Variants in FANCB observed in about 807,000 individuals in gnomAD.
The protein encoded by FANCB is FA complementation group B.
A neutral mutation model predicts 38.9 loss-of-function variants in FANCB; 5 were observed. The ratio of observed to expected loss-of-function variants is 0.13; its 90% CI spans 0.07 to 0.27. The LOEUF is 0.27. FANCB is among the 10% of genes least tolerant of loss of function. The pLI, the probability that FANCB is intolerant of heterozygous loss-of-function variation, is 1.00. For missense variants in FANCB, 573 were observed against 602.7 expected, an observed-to-expected ratio of 0.95 and a Z score of 0.52; for synonymous variants, 236 against 215.4, an observed-to-expected ratio of 1.10 and a Z score of -0.84.
chrX:14,730,557 A>G, the FANCB span: 1 of 381,289 alleles, frequency 2.6e-6, no homozygotes, highest in Non-Finnish European at 4.2e-6. Flanking sequence ...AATTGTCTTT[A>G]TATCACTTTG....
chrX:14,862,329 G>A (rs2092450174), intron 3 of FANCB: 1 of 111,284 alleles, frequency 9.0e-6, no homozygotes, highest in Non-Finnish European at 1.9e-5. Context: ...AATTCCTGAA[G>A]CACCTTAGGG....
At chrX:14,696,468 G>C in the FANCB span, among the ~76,000 whole-genome samples, 1 of 111,894 alleles carries the variant, frequency 8.9e-6, no homozygotes, top group Admixed American at 9.4e-5. Context: ...TGACAGCAAG[G>C]CAGTCCAGGA....
the FANCB span, among the ~76,000 whole-genome samples, chrX:14,759,388 G>T: frequency 9.0e-6 from 1 of 111,244 alleles, no homozygotes; most frequent in Non-Finnish European, 1.9e-5. Flanking sequence ...GAAATGTATC[G>T]CAAGAAGATC....
the FANCB span, among the ~76,000 whole-genome samples, chrX:14,810,091 G>A: frequency 3.7e-4 from 41 of 111,873 alleles, no homozygotes; most frequent in Admixed American, 3.2e-3. Flanking sequence ...TCCAACAGAC[G>A]TGCAGCTGAG....
the FANCB span, among the ~76,000 whole-genome samples, chrX:14,756,441 G>A: frequency 8.9e-6 from 1 of 111,858 alleles, no homozygotes; most frequent in East Asian, 2.8e-4. Context: ...TAATATTCAG[G>A]ATATATAAGC....
At chrX:14,699,368 T>C in the FANCB span, among the ~76,000 whole-genome samples, 2 of 112,399 alleles carry the variant, frequency 1.8e-5, no homozygotes, top group Non-Finnish European at 3.8e-5. Context: ...TAAATAGAAA[T>C]TGTGGCTGCT....
chrX:14,737,230 T>C, the FANCB span, among the ~76,000 whole-genome samples: 1 of 111,359 alleles, frequency 9.0e-6, no homozygotes, highest in African/African-American at 3.3e-5. Flanking sequence ...ACCAACCCAT[T>C]CAGCTACCCA....
At chrX:14,796,435 T>C in the FANCB span, among the ~76,000 whole-genome samples, 13 of 96,726 alleles carry the variant, frequency 1.3e-4, no homozygotes, top group African/African-American at 4.6e-4. Flanking sequence ...TTATATATTT[T>C]TTCCTATTGA....
At chrX:14,777,336 T>TCA in the FANCB span, among the ~76,000 whole-genome samples, 2 of 112,110 alleles carry the variant, frequency 1.8e-5, no homozygotes, top group Non-Finnish European at 1.9e-5. Flanking sequence ...TTACTTATCA[T>TCA]CACTTCAGGA....
chrX:14,859,145 T>C lies in FANCB; in HGVS notation c.1104+37A>G, dbSNP rs774999893. On this transcript the variant is annotated intron_variant, in intron 4 of 9. Coordinates refer to ENST00000650831, the MANE Select transcript of FANCB (RefSeq NM_001018113.3). ...TGAGCACTTAAATTTTCTAAAATGG[T>C]TCTTAAAATACCATATAATAAGTAA... The C allele has an allele frequency of 9.9e-6, 10 of 1,009,426 alleles. No homozygotes were observed. The South Asian group carries it at 1.9e-4, about 19-fold the overall frequency. The allele number at this position is 1,009,426 out of a possible 1,213,427, so 83.2% of individuals were successfully genotyped here. A position where few individuals can be genotyped will look rare whatever the true frequency, so the allele number is the denominator to read the frequency against.
the FANCB span, among the ~76,000 whole-genome samples, chrX:14,756,516 CAA>C: frequency 9.0e-6 from 1 of 111,569 alleles, no homozygotes; most frequent in East Asian, 2.8e-4. Flanking sequence ...TTGAAATGGG[CAA>C]AAGACCTCAA....
chrX:14,766,589 C>T, the FANCB span, among the ~76,000 whole-genome samples: 1 of 111,685 alleles, frequency 9.0e-6, no homozygotes, highest in Non-Finnish European at 1.9e-5. Flanking sequence ...TTGTCACTGT[C>T]GGCTAGTTGA....
chrX:14,718,805 T>C, the FANCB span, among the ~76,000 whole-genome samples: 1 of 111,726 alleles, frequency 9.0e-6, no homozygotes, highest in African/African-American at 3.3e-5. Context: ...AGTGCACCAG[T>C]GAACATGGCA....
At chrX:14,763,073 A>G in the FANCB span, among the ~76,000 whole-genome samples, 405 of 111,678 alleles carry the variant, frequency 3.6e-3, 4 homozygotes, top group African/African-American at 0.012. Flanking sequence ...CTGAGCTTGG[A>G]AAGGTAGGCT....
At chrX:14,700,356 C>G in the FANCB span, among the ~76,000 whole-genome samples, 2 of 109,713 alleles carry the variant, frequency 1.8e-5, no homozygotes, top group Non-Finnish European at 3.8e-5. Context: ...AAGGGGAAGG[C>G]AGTGTAAGGG....
the FANCB span, among the ~76,000 whole-genome samples, chrX:14,787,894 T>TATAC: frequency 1.9e-5 from 1 of 52,993 alleles, no homozygotes; most frequent in African/African-American, 5.4e-5. Context: ...TATATATATA[T>TATAC]ATATATATAT....
chrX:14,797,009 TTCAA>T, the FANCB span, among the ~76,000 whole-genome samples: 1 of 111,757 alleles, frequency 8.9e-6, no homozygotes, highest in Non-Finnish European at 1.9e-5. Context: ...TGTTTAGGTC[TTCAA>T]TCAATCAGAT....
chrX:14,835,333 A>G (rs2092338369), downstream of FANCB: 7 of 452,578 alleles, frequency 1.5e-5, no homozygotes, highest in Non-Finnish European at 2.8e-5. Context: ...AGGTGGCTAC[A>G]TGCACTTAGG....
At chrX:14,780,818 T>A in the FANCB span, among the ~76,000 whole-genome samples, 3 of 103,070 alleles carry the variant, frequency 2.9e-5, no homozygotes, top group East Asian at 8.8e-4. Context: ...TTTTTGTTTT[T>A]TTTTTCCAAC....
Sources: gnomAD v4.1 joint callset for allele counts (sites outside exome capture counted in the v4.1 genomes callset) on GRCh38, gnomAD v4.1.1 for gene constraint, MANE v1.5 for transcripts, NCBI Gene and HGNC (gene_info 2026-07-23, HGNC 2026-07-21) for gene names.